AKAP6: variants seen among roughly 807,000 people sequenced by gnomAD.
AKAP6 encodes the protein A-kinase anchor protein 6.
AKAP6 carries 58 observed loss-of-function variants against 188.5 expected under a neutral mutation model. The observed-to-expected ratio is 0.31, with a 90% CI of 0.25 to 0.38. AKAP6 has a LOEUF of 0.38. Ranked by LOEUF, AKAP6 falls within the 10% of genes least tolerant of loss-of-function variation. The pLI is 1.00. For missense variants in AKAP6, 2,710 were observed against 2,740.0 expected (o/e 0.99, Z 0.24); for synonymous variants, 989 against 998.6 (o/e 0.99, Z 0.18).
chr14:32,690,800 T>C (rs1890147289), intron 8 of AKAP6, among the ~76,000 whole-genome samples: 1 of 152,186 alleles, frequency 6.6e-6, no homozygotes, highest in African/African-American at 2.4e-5. Flanking sequence ...CCCCATAACA[T>C]GATTAAGCTA....
chr14:32,824,184 A>G lies in AKAP6; in HGVS notation c.6371A>G (p.Glu2124Gly), dbSNP rs139273657. 20 of 1,613,848 alleles carry G rather than the reference A, an allele frequency of 1.2e-5. No homozygotes were observed. The African/African-American group carries it at 2.4e-4, about 19-fold the overall frequency. ...SLSSHDSDCGEVTNYIEEKSS... is the reference protein window; with the variant it reads ...SLSSHDSDCGGVTNYIEEKSS... ...TCATCTCATGACAGTGATTGTGGGGAGGTCACCAATTACATAGAAGAGAAA... is the reference window on the plus strand; with the variant it reads ...TCATCTCATGACAGTGATTGTGGGGGGGTCACCAATTACATAGAAGAGAAA... The change falls in exon 13 of 14, where the codon GAG (glutamate) becomes GGG (glycine). Residue 2124 changes from glutamate (E) to glycine (G), a missense_variant. Transcript: ENST00000280979.
At chr14:32,807,207 G>A (rs2034113360) in intron 12 of AKAP6, among the ~76,000 whole-genome samples, 1 of 151,812 alleles carries the variant, frequency 6.6e-6, no homozygotes, top group African/African-American at 2.4e-5. Flanking sequence ...AATTAGCCAG[G>A]CATGGTGGCA....
intron 12 of AKAP6, among the ~76,000 whole-genome samples, chr14:32,801,802 A>G (rs1186021501): frequency 1.3e-5 from 2 of 152,140 alleles, no homozygotes; most frequent in Non-Finnish European, 2.9e-5. Context: ...TTTTTTTCTT[A>G]TAACACTTTA....
At chr14:32,660,484 T>G (rs753407027) in intron 7 of AKAP6, among the ~76,000 whole-genome samples, 1 of 152,070 alleles carries the variant, frequency 6.6e-6, no homozygotes, top group Non-Finnish European at 1.5e-5. Flanking sequence ...GAAACTTCAA[T>G]GTGTTGGTTG....
intron 2 of AKAP6, among the ~76,000 whole-genome samples, chr14:32,533,141 T>C (rs1882496561): frequency 6.6e-6 from 1 of 152,192 alleles, no homozygotes; most frequent in Non-Finnish European, 1.5e-5. Context: ...GGTTGGTTCA[T>C]CATTGTCAAT....
At chr14:32,351,569 A>AAAC (rs1374271395) in intron 1 of AKAP6, among the ~76,000 whole-genome samples, 2 of 149,710 alleles carry the variant, frequency 1.3e-5, no homozygotes, top group African/African-American at 5.0e-5. Context: ...TCTCAAAAAA[A>AAAC]AAAAAAACAA....
intron 13 of AKAP6, among the ~76,000 whole-genome samples, chr14:32,829,504 T>G (rs2140168009): frequency 7.1e-6 from 1 of 140,572 alleles, no homozygotes; most frequent in Admixed American, 7.1e-5. Context: ...TTCATATTGG[T>G]TTGAAGCTAT....
intron 1 of AKAP6, among the ~76,000 whole-genome samples, chr14:32,369,457 A>C (rs376814637): frequency 6.6e-6 from 1 of 152,248 alleles, no homozygotes; most frequent in Non-Finnish European, 1.5e-5. Context: ...TATGGATTAC[A>C]TTTTCTAAAC....
chr14:32,656,458 G>A (rs1262223786), intron 7 of AKAP6, among the ~76,000 whole-genome samples: 1 of 152,124 alleles, frequency 6.6e-6, no homozygotes, highest in African/African-American at 2.4e-5. Flanking sequence ...GATTTACTCT[G>A]AATAAGCATC....
chr14:32,729,863 C>T (rs949043860), intron 9 of AKAP6, among the ~76,000 whole-genome samples: 4 of 152,114 alleles, frequency 2.6e-5, no homozygotes, highest in Non-Finnish European at 5.9e-5. Context: ...CCCCAGACTA[C>T]AGGACACAAT....
intron 2 of AKAP6, among the ~76,000 whole-genome samples, chr14:32,486,097 G>C (rs1456280028): frequency 2.0e-5 from 3 of 152,074 alleles, no homozygotes; most frequent in African/African-American, 7.2e-5. Flanking sequence ...TTGCTTGTTT[G>C]TGTCAGGTTT....
At chr14:32,673,457 G>T (rs1401527400) in intron 7 of AKAP6, among the ~76,000 whole-genome samples, 1 of 152,132 alleles carries the variant, frequency 6.6e-6, no homozygotes, top group East Asian at 1.9e-4. Flanking sequence ...GAATGCAGCT[G>T]GGTGTGGTGG....
At chr14:32,721,015 T>C (rs1414470499) in intron 9 of AKAP6, among the ~76,000 whole-genome samples, 1 of 152,240 alleles carries the variant, frequency 6.6e-6, no homozygotes, top group Non-Finnish European at 1.5e-5. Flanking sequence ...TTACATTAAT[T>C]GCTGCGCCTC....
intron 5 of AKAP6, among the ~76,000 whole-genome samples, chr14:32,581,544 A>G (rs1415385132): frequency 6.6e-6 from 1 of 151,974 alleles, no homozygotes; most frequent in Non-Finnish European, 1.5e-5. Flanking sequence ...ATTCCTGGGT[A>G]TCCTTGTTAA....
intron 4 of AKAP6, among the ~76,000 whole-genome samples, chr14:32,555,758 G>C (rs1883659913): frequency 6.6e-6 from 1 of 152,078 alleles, no homozygotes; most frequent in Non-Finnish European, 1.5e-5. Context: ...CCATGTTGTA[G>C]CATGTGACAG....
At chr14:32,505,374 T>C (rs1282641527) in intron 2 of AKAP6, among the ~76,000 whole-genome samples, 1 of 151,854 alleles carries the variant, frequency 6.6e-6, no homozygotes, top group East Asian at 1.9e-4. Context: ...GCTGCATCTA[T>C]GGTGAGGCAA....
chr14:32,550,013 C>G (rs1883382813), intron 4 of AKAP6, among the ~76,000 whole-genome samples: 1 of 152,306 alleles, frequency 6.6e-6, no homozygotes, highest in East Asian at 1.9e-4. Flanking sequence ...GTGAATGAGT[C>G]CAGAAAACTG....
intron 1 of AKAP6, among the ~76,000 whole-genome samples, chr14:32,400,023 A>G (rs1889031315): frequency 6.6e-6 from 1 of 152,084 alleles, no homozygotes; most frequent in Non-Finnish European, 1.5e-5. Flanking sequence ...TTCTTCCACC[A>G]GGACCTCAGC....
At chr14:32,732,362 T>C in intron 9 of AKAP6, 92 bp from the exon 10 acceptor site, 1 of 1,432,922 alleles carries the variant, frequency 7.0e-7, no homozygotes, top group Admixed American at 2.4e-5. Context: ...CAAAAACTTT[T>C]AATGCTCGTA....
Sources: allele counts gnomAD v4.1 joint callset (sites outside exome capture counted in the v4.1 genomes callset), GRCh38; gene constraint gnomAD v4.1.1; transcripts MANE v1.5; gene names NCBI Gene and HGNC (gene_info 2026-07-23, HGNC 2026-07-21).